FAM53A: variants seen among roughly 807,000 people sequenced by gnomAD.
The protein encoded by FAM53A is family with sequence similarity 53 member A.
Under a neutral mutation model 26.6 loss-of-function variants are expected in FAM53A, and 28 were observed. The observed-to-expected ratio is 1.05, with a 90% CI of 0.78 to 1.45. The LOEUF (loss-of-function observed/expected upper bound fraction) is 1.45. FAM53A is among the 40% of genes most tolerant of loss of function. The probability of loss-of-function intolerance (pLI) is 0.00; values close to 1 mark genes in which losing one functional copy is unlikely to be tolerated. For missense variants in FAM53A, 650 were observed against 575.8 expected (o/e 1.13, Z -1.32); for synonymous variants, 290 against 253.1 (o/e 1.15, Z -1.38).
At chr4:1,638,704 G>A (rs1239136491), downstream of FAM53A, among the ~76,000 whole-genome samples, 1 of 152,092 alleles carries the variant, frequency 6.6e-6, no homozygotes, top group Non-Finnish European at 1.5e-5. Flanking sequence ...GACTGCACAC[G>A]TAAACCCCAG....
chr4:1,611,119 G>C, the FAM53A span, among the ~76,000 whole-genome samples: 2 of 152,210 alleles, frequency 1.3e-5, no homozygotes, highest in Non-Finnish European at 2.9e-5. Context: ...CCACCCTGAG[G>C]TGCGTCTCAG....
At chr4:1,651,397 T>C (rs762110242) in intron 4 of FAM53A, among the ~76,000 whole-genome samples, 4 of 151,752 alleles carry the variant, frequency 2.6e-5, no homozygotes, top group African/African-American at 4.8e-5. Flanking sequence ...CCAAGCGTGG[T>C]GGTGCATGCC....
the FAM53A span, among the ~76,000 whole-genome samples, chr4:1,600,759 C>T: frequency 6.6e-6 from 1 of 152,164 alleles, no homozygotes; most frequent in Non-Finnish European, 1.5e-5. Flanking sequence ...CAGGCTCAAG[C>T]GATCCTCCTG....
chr4:1,672,704 A>G (rs1714764770), intron 1 of FAM53A, among the ~76,000 whole-genome samples: 1 of 140,968 alleles, frequency 7.1e-6, no homozygotes. Flanking sequence ...CAATGTGAAC[A>G]CCCCGAGAGC....
chr4:1,668,055 G>A (rs1453554716), intron 2 of FAM53A, among the ~76,000 whole-genome samples: 1 of 152,200 alleles, frequency 6.6e-6, no homozygotes, highest in Admixed American at 6.5e-5. Context: ...TTGATTGGAT[G>A]GTAACAGGCA....
At chr4:1,634,069 C>G (rs1715731538) in intron 1 of FAM53A, among the ~76,000 whole-genome samples, 1 of 152,126 alleles carries the variant, frequency 6.6e-6, no homozygotes, top group Admixed American at 6.5e-5. Flanking sequence ...CAGTGAGTAG[C>G]AGGTGGCAGA....
chr4:1,602,190 G>A, the FAM53A span, among the ~76,000 whole-genome samples: 2 of 152,224 alleles, frequency 1.3e-5, no homozygotes, highest in Non-Finnish European at 2.9e-5. Context: ...ATGCAGGGGG[G>A]CCTGGCATAA....
the FAM53A span, among the ~76,000 whole-genome samples, chr4:1,603,866 A>G: frequency 6.6e-6 from 1 of 152,128 alleles, no homozygotes; most frequent in African/African-American, 2.4e-5. Flanking sequence ...TGCCCTACGC[A>G]GAGCAGACAG....
chr4:1,595,021 C>G, the FAM53A span, among the ~76,000 whole-genome samples: 9 of 152,240 alleles, frequency 5.9e-5, no homozygotes, highest in African/African-American at 2.2e-4. Flanking sequence ...CCCATCCCCC[C>G]ACAGGATGGA....
Position 1,684,255 on chromosome 4 carries a change from G to A in FAM53A, c.-187C>T, listed in dbSNP as rs1360345751. The A allele has an allele frequency of 1.3e-5, 2 of 150,968 alleles. No homozygotes were observed. Among genetic ancestry groups the A allele is most frequent in the African/African-American group, 4.9e-5 (2 of 41,232 alleles). 9.4% of individuals were successfully genotyped at this position (150,968 alleles called of 1,614,324 possible). A position where few individuals can be genotyped will look rare whatever the true frequency, so the allele number is the denominator to read the frequency against. Reference sequence around the variant, plus strand: ...TACCTGAGCGCGGCCGCGGGGGTGCGGAGCGAGAAGACTGCCGGCCGCCCA... The same window carrying A: ...TACCTGAGCGCGGCCGCGGGGGTGCAGAGCGAGAAGACTGCCGGCCGCCCA... On this transcript the variant is annotated 5_prime_UTR_variant, in exon 1 of 5. Transcript: ENST00000308132.
downstream of FAM53A, among the ~76,000 whole-genome samples, chr4:1,613,740 C>T (rs762582814): frequency 4.6e-5 from 7 of 152,192 alleles, no homozygotes; most frequent in Non-Finnish European, 1.0e-4. Flanking sequence ...TGGTTAGTTC[C>T]ATCAGGAGCC....
At chr4:1,595,900 G>A in the FAM53A span, among the ~76,000 whole-genome samples, 6 of 152,338 alleles carry the variant, frequency 3.9e-5, no homozygotes, top group Admixed American at 3.9e-4. Flanking sequence ...CCTCTCTGTG[G>A]TGCAGGTGCT....
intron 4 of FAM53A, among the ~76,000 whole-genome samples, chr4:1,649,164 G>GGGAAGGGCAAA (rs1712515245): frequency 1.3e-5 from 1 of 78,356 alleles, no homozygotes; most frequent in African/African-American, 5.9e-5. Context: ...GGAAAGGGAA[G>GGGAAGGGCAAA]GGGAAAGGGA....
chr4:1,655,222 G>A lies in FAM53A; in HGVS notation c.638C>T (p.Ser213Phe). ...GSGPLWCSAE[S>F]CLPSTRRRPS... ...GCGGCGCCTCGTGGAGGGCAAGCAG[G>A]ACTCCGCGGAACACCAGAGCGGGCC... Residue 213 changes from serine to phenylalanine, a missense_variant, in exon 4 of 5, where the codon TCC becomes TTC. Ser to Phe is a radical substitution (Grantham distance 155, BLOSUM62 -2). Coordinates refer to ENST00000308132, the MANE Select transcript of FAM53A (RefSeq NM_001174070.3). 1 of 1,545,760 alleles carries A rather than the reference G, an allele frequency of 6.5e-7. No homozygotes were observed. Among genetic ancestry groups the A allele is most frequent in the South Asian group, 1.2e-5 (1 of 83,348 alleles).
chr4:1,668,572 G>T, intron 2 of FAM53A, 95 bp downstream of exon 2: 1 of 1,445,642 alleles, frequency 6.9e-7, no homozygotes. Flanking sequence ...AGGCCCCTGA[G>T]AACTTAGCCC....
the FAM53A span, among the ~76,000 whole-genome samples, chr4:1,585,305 CAG>C: frequency 2.2e-4 from 3 of 13,944 alleles, no homozygotes; most frequent in African/African-American, 1.2e-3. Context: ...TTTTTGGAGA[CAG>C]AGTCTTGCTC....
At chr4:1,604,358 T>G in the FAM53A span, among the ~76,000 whole-genome samples, 2 of 151,124 alleles carry the variant, frequency 1.3e-5, no homozygotes, top group South Asian at 2.1e-4. Context: ...CAGGTTGGGG[T>G]GGGGGCACCC....
chr4:1,664,612 A>C lies in FAM53A; in HGVS notation c.75+4055T>G, dbSNP rs183314774. 4.3e-3 allele frequency among the ~76,000 whole-genome samples: 655 copies of C among 152,340 alleles called. 6 individuals are homozygous for C. The highest frequency in any genetic ancestry group is 0.015 in the African/African-American group (630 of 41,584). On this transcript the variant is annotated intron_variant, in intron 2 of 4. Coordinates refer to ENST00000308132, the MANE Select transcript of FAM53A (RefSeq NM_001174070.3). Reference sequence around the variant, plus strand: ...CAGTTGACATGGGAGAGCTGGTCTCACGTGTAAACAATCTATCACTGAGTA... The same window carrying C: ...CAGTTGACATGGGAGAGCTGGTCTCCCGTGTAAACAATCTATCACTGAGTA...
chr4:1,642,826 G>A (rs890628223), intron 4 of FAM53A, among the ~76,000 whole-genome samples: 1 of 152,068 alleles, frequency 6.6e-6, no homozygotes, highest in African/African-American at 2.4e-5. Context: ...TCCCCTCCTC[G>A]ACCACACCAC....
Sources: allele counts gnomAD v4.1 joint callset (sites outside exome capture counted in the v4.1 genomes callset), GRCh38; gene constraint gnomAD v4.1.1; transcripts MANE v1.5; gene names NCBI Gene and HGNC (gene_info 2026-07-23, HGNC 2026-07-21).